Variants in ZNG1B observed in about 807,000 individuals in gnomAD.
ZNG1B encodes Zn regulated GTPase metalloprotein activator 1B.
At chr2:113,492,479 T>C in the ZNG1B span, among the ~76,000 whole-genome samples, 1 of 83,376 alleles carries the variant, frequency 1.2e-5, no homozygotes, top group African/African-American at 4.5e-5. Context: ...ACAATGAACT[T>C]TGGGGACTCA....
chr2:113,464,018 C>A, the ZNG1B span, among the ~76,000 whole-genome samples: 3 of 151,510 alleles, frequency 2.0e-5, no homozygotes, highest in African/African-American at 7.3e-5. Context: ...ATTTAGCAAA[C>A]GTTTTTGGCA....
At chr2:113,440,045 C>T in the ZNG1B span, among the ~76,000 whole-genome samples, 12 of 150,704 alleles carry the variant, frequency 8.0e-5, no homozygotes, top group Non-Finnish European at 1.2e-4. Flanking sequence ...CCACTACGCC[C>T]GGCTAATTTT....
chr2:113,488,259 G>C, the ZNG1B span, among the ~76,000 whole-genome samples: 20 of 152,284 alleles, frequency 1.3e-4, no homozygotes, highest in African/African-American at 4.3e-4. Context: ...GGATCCAGAA[G>C]AGAGATAGCA....
chr2:113,439,314 T>C, the ZNG1B span, among the ~76,000 whole-genome samples: 3 of 151,874 alleles, frequency 2.0e-5, no homozygotes, highest in Non-Finnish European at 4.4e-5. Context: ...TTTTTAAGGC[T>C]CCCTCCTCCT....
At chr2:113,471,415 C>A in the ZNG1B span, among the ~76,000 whole-genome samples, 1 of 152,074 alleles carries the variant, frequency 6.6e-6, no homozygotes, top group Non-Finnish European at 1.5e-5. Flanking sequence ...TTAGCGTTTT[C>A]ACACAAATAA....
the ZNG1B span, among the ~76,000 whole-genome samples, chr2:113,458,297 G>A: frequency 6.6e-6 from 1 of 152,170 alleles, no homozygotes; most frequent in South Asian, 2.1e-4. Context: ...AAGGTAGGAA[G>A]TCACATGAGG....
the ZNG1B span, among the ~76,000 whole-genome samples, chr2:113,438,564 G>T: frequency 1.3e-5 from 2 of 151,996 alleles, no homozygotes; most frequent in African/African-American, 2.4e-5. Flanking sequence ...AAACCACTGC[G>T]TAGGAAGTAA....
the ZNG1B span, among the ~76,000 whole-genome samples, chr2:113,476,027 A>G: frequency 7.2e-5 from 11 of 152,090 alleles, no homozygotes; most frequent in East Asian, 2.1e-3. Flanking sequence ...CTGAATCTGA[A>G]CGTTGGCCTG....
At chr2:113,473,084 C>G in the ZNG1B span, among the ~76,000 whole-genome samples, 4 of 149,620 alleles carry the variant, frequency 2.7e-5, no homozygotes, top group Middle Eastern at 3.4e-3. Flanking sequence ...GGCAGTATGG[C>G]CATTTTCACG....
the ZNG1B span, among the ~76,000 whole-genome samples, chr2:113,452,841 T>C: frequency 6.9e-6 from 1 of 144,338 alleles, no homozygotes; most frequent in Middle Eastern, 3.5e-3. Flanking sequence ...TAATATCTGT[T>C]AATTAAATTA....
At chr2:113,485,603 C>A in the ZNG1B span, among the ~76,000 whole-genome samples, 4 of 147,762 alleles carry the variant, frequency 2.7e-5, no homozygotes, top group African/African-American at 1.0e-4. Flanking sequence ...ATAGAAAAAT[C>A]GGGAAGGCAA....
the ZNG1B span, among the ~76,000 whole-genome samples, chr2:113,490,020 GAT>G: frequency 2.0e-5 from 3 of 148,110 alleles, no homozygotes; most frequent in African/African-American, 7.5e-5. Context: ...GGAGTTAAAA[GAT>G]ATATACAGAA....
At chr2:113,449,129 C>A in the ZNG1B span, among the ~76,000 whole-genome samples, 119 of 151,490 alleles carry the variant, frequency 7.9e-4, 2 homozygotes, top group East Asian at 0.02. Flanking sequence ...CCTCTCTCAG[C>A]CTTCATAGAA....
chr2:113,453,077 A>G, the ZNG1B span: 3 of 1,514,714 alleles, frequency 2.0e-6, no homozygotes, highest in Non-Finnish European at 2.7e-6. Flanking sequence ...TAAAACATGG[A>G]TAGAATCATG....
the ZNG1B span, among the ~76,000 whole-genome samples, chr2:113,472,626 G>A: frequency 2.0e-5 from 3 of 152,056 alleles, no homozygotes; most frequent in African/African-American, 7.2e-5. Flanking sequence ...TAGGTTGAAC[G>A]TTTAAGTCTT....
chr2:113,444,484 A>T, the ZNG1B span: 17 of 153,596 alleles, frequency 1.1e-4, no homozygotes, highest in African/African-American at 3.9e-4. Context: ...TTCTTGAACA[A>T]CCAAAATATA....
At chr2:113,442,531 C>T in the ZNG1B span, among the ~76,000 whole-genome samples, 1 of 152,130 alleles carries the variant, frequency 6.6e-6, no homozygotes, top group African/African-American at 2.4e-5. Context: ...AGGCAAAAAT[C>T]CTGAGATTTC....
the ZNG1B span, among the ~76,000 whole-genome samples, chr2:113,464,534 AC>A: frequency 2.7e-5 from 4 of 148,662 alleles, no homozygotes; most frequent in African/African-American, 7.4e-5. Flanking sequence ...TTGGTGCCAT[AC>A]AAAGCCATAT....
the ZNG1B span, among the ~76,000 whole-genome samples, chr2:113,455,957 A>G: frequency 6.6e-6 from 1 of 150,648 alleles, no homozygotes; most frequent in African/African-American, 2.4e-5. Flanking sequence ...ACCTCAAGTG[A>G]TCCACCCGCC....
Sources: gnomAD v4.1 joint callset for allele counts (sites outside exome capture counted in the v4.1 genomes callset) on GRCh38, gnomAD v4.1.1 for gene constraint, MANE v1.5 for transcripts, NCBI Gene and HGNC (gene_info 2026-07-23, HGNC 2026-07-21) for gene names.